SPAG16: variants seen among roughly 807,000 people sequenced by gnomAD.
The protein encoded by SPAG16 is sperm associated antigen 16, also known as sperm-associated antigen 16 protein.
A neutral mutation model predicts 80.4 loss-of-function variants in SPAG16; 86 were observed. The observed-to-expected ratio is 1.07, with a 90% confidence interval of 0.90 to 1.28. The LOEUF (loss-of-function observed/expected upper bound fraction) is 1.28. SPAG16 is among the 50% of genes most tolerant of loss of function. SPAG16 has a pLI of 0.00. For synonymous variants in SPAG16, 294 were observed against 265.9 expected (o/e 1.11, Z -1.03); for missense variants, 870 against 765.3 (o/e 1.14, Z -1.61).
rs183435273 is a variant in SPAG16, at chr2:213,627,660, G to A, written c.1070+137570G>A. On this transcript the variant is annotated intron_variant, in intron 10 of 15. Coordinates refer to ENST00000331683, the MANE Select transcript of SPAG16 (RefSeq NM_024532.5). ...TATTTCTTGTGTCTAAAAAGAAAAG[G>A]AACTCAACAATTGACTGTTGAAAGA... 9.2e-5 allele frequency among the ~76,000 whole-genome samples: 14 copies of A among 152,252 alleles called. No homozygotes were observed. In the East Asian group the frequency reaches 1.7e-3, roughly 19 times the overall value.
At position 213,425,051 on chromosome 2, in the gene SPAG16, C is replaced by T. The variant is rs187209923; in HGVS notation, c.942+49932C>T. On this transcript the variant is annotated intron_variant, in intron 9 of 15. Coordinates refer to ENST00000331683, the MANE Select transcript of SPAG16 (RefSeq NM_024532.5). ...GAATGTGTGGCAATATAGCCAGGCA[C>T]GGTGGCTCATGCCTGTAATCCCAGC... Among the ~76,000 whole-genome samples the T allele has an allele frequency of 1.1e-3, 175 of 152,182 alleles. 2 individuals are homozygous for T. In the South Asian group the frequency reaches 0.022, roughly 19 times the overall value.
chr2:214,323,961 T>TATTTA (rs1696294702), intron 15 of SPAG16, among the ~76,000 whole-genome samples: 3 of 152,242 alleles, frequency 2.0e-5, no homozygotes, highest in African/African-American at 7.2e-5. Context: ...AAGCACTTTT[T>TATTTA]ATTTACTAAA....
At position 214,117,825 on chromosome 2, in the gene SPAG16, T is replaced by A. The variant is rs568809399; in HGVS notation, c.1593+9564T>A. 4.6e-5 allele frequency among the ~76,000 whole-genome samples: 7 copies of A among 152,210 alleles called. No individual in the cohort carries two copies. The South Asian group carries it at 1.4e-3, about 32-fold the overall frequency. On this transcript the variant is annotated intron_variant, in intron 14 of 15. Transcript: ENST00000331683. ...CACAATCCCTTTATAATAAAAACCC[T>A]GAACAATTAGGTATAGAAGCAACAT...
chr2:214,020,782 G>T (rs1023010535), intron 13 of SPAG16, among the ~76,000 whole-genome samples: 1 of 152,122 alleles, frequency 6.6e-6, no homozygotes, highest in East Asian at 1.9e-4. Context: ...CAATCAGTTG[G>T]TTTTGCAAAC....
At chr2:213,470,143 G>A (rs112572396) in intron 9 of SPAG16, among the ~76,000 whole-genome samples, 3,194 of 152,206 alleles carry the variant, frequency 0.021, 54 homozygotes, top group Non-Finnish European at 0.034. Context: ...ATGGCCTTCT[G>A]GAGAACTTTG....
chr2:213,621,713 C>T (rs952081667), intron 10 of SPAG16, among the ~76,000 whole-genome samples: 6 of 152,138 alleles, frequency 3.9e-5, no homozygotes, highest in Non-Finnish European at 8.8e-5. Flanking sequence ...CATTTGTATC[C>T]ATTAGCAATG....
At chr2:213,353,691 C>T (rs2065464776) in intron 7 of SPAG16, among the ~76,000 whole-genome samples, 4 of 152,108 alleles carry the variant, frequency 2.6e-5, no homozygotes, top group South Asian at 2.1e-4. Flanking sequence ...TCAGGCATCT[C>T]GTCCCTCAGG....
intron 15 of SPAG16, among the ~76,000 whole-genome samples, chr2:214,236,849 A>G (rs918925949): frequency 6.6e-6 from 1 of 152,118 alleles, no homozygotes; most frequent in Non-Finnish European, 1.5e-5. Flanking sequence ...AAATAACCAT[A>G]AGGCTATGGC....
chr2:213,430,184 T>C (rs529863412), intron 9 of SPAG16, among the ~76,000 whole-genome samples: 2 of 152,298 alleles, frequency 1.3e-5, no homozygotes, highest in Admixed American at 1.3e-4. Flanking sequence ...GAAAAGTTCA[T>C]TGAAAGGATT....
At chr2:214,334,549 C>G (rs1030387413) in intron 15 of SPAG16, among the ~76,000 whole-genome samples, 3 of 152,210 alleles carry the variant, frequency 2.0e-5, no homozygotes, top group Non-Finnish European at 4.4e-5. Context: ...TCAGTTTGTA[C>G]TGCCCTCCAG....
intron 10 of SPAG16, among the ~76,000 whole-genome samples, chr2:213,701,740 T>C (rs182983883): frequency 1.3e-5 from 2 of 152,202 alleles, no homozygotes; most frequent in Admixed American, 1.3e-4. Flanking sequence ...GAGGATTGTA[T>C]ATGCACCAAT....
chr2:214,045,320 A>G (rs575811421), intron 13 of SPAG16, among the ~76,000 whole-genome samples: 2 of 152,292 alleles, frequency 1.3e-5, no homozygotes, highest in South Asian at 4.1e-4. Flanking sequence ...CTGAAGGGAA[A>G]GACCCAGTCC....
chr2:213,676,066 C>A (rs984230921), intron 10 of SPAG16, among the ~76,000 whole-genome samples: 1 of 152,034 alleles, frequency 6.6e-6, no homozygotes, highest in African/African-American at 2.4e-5. Context: ...TTTCACTGAG[C>A]AGTGGTTTGT....
chr2:214,214,203 CAG>C (rs2058371826), intron 15 of SPAG16, among the ~76,000 whole-genome samples: 1 of 90,092 alleles, frequency 1.1e-5, no homozygotes. Flanking sequence ...TTTTTTGAGA[CAG>C]AGTCACCCAC....
At chr2:214,275,968 T>C (rs562442686) in intron 15 of SPAG16, among the ~76,000 whole-genome samples, 143 of 152,338 alleles carry the variant, frequency 9.4e-4, no homozygotes, top group Middle Eastern at 3.4e-3. Context: ...TTTATGCATC[T>C]GGGTGCTCCT....
intron 9 of SPAG16, among the ~76,000 whole-genome samples, chr2:213,444,775 T>A (rs2071191564): frequency 6.6e-6 from 1 of 152,102 alleles, no homozygotes; most frequent in Admixed American, 6.5e-5. Context: ...ATACCCAGAA[T>A]AGACAGAATA....
chr2:214,050,906 G>A (rs934249949), intron 13 of SPAG16, among the ~76,000 whole-genome samples: 2 of 152,132 alleles, frequency 1.3e-5, no homozygotes, highest in Non-Finnish European at 2.9e-5. Flanking sequence ...ACAGTCCCTG[G>A]TAGAACACTC....
At chr2:214,277,738 T>C (rs1692579653) in intron 15 of SPAG16, among the ~76,000 whole-genome samples, 1 of 152,182 alleles carries the variant, frequency 6.6e-6, no homozygotes, top group Non-Finnish European at 1.5e-5. Context: ...CTGGGAGATG[T>C]CTCCCAGTTA....
intron 10 of SPAG16, among the ~76,000 whole-genome samples, chr2:213,566,402 A>C (rs192310636): frequency 1.6e-3 from 249 of 152,232 alleles, no homozygotes; most frequent in African/African-American, 5.4e-3. Flanking sequence ...CTAAGGGTCA[A>C]TTTGTTTCTC....
Sources: gnomAD v4.1 joint callset for allele counts (sites outside exome capture counted in the v4.1 genomes callset) on GRCh38, gnomAD v4.1.1 for gene constraint, MANE v1.5 for transcripts, NCBI Gene and HGNC (gene_info 2026-07-23, HGNC 2026-07-21) for gene names.